Variants in ATP9B observed in about 807,000 individuals in gnomAD.
The protein encoded by ATP9B is probable phospholipid-transporting ATPase IIB.
ATP9B carries 110 observed loss-of-function variants against 146.1 expected under a neutral mutation model. The ratio of observed to expected loss-of-function variants is 0.75; its 90% CI spans 0.65 to 0.88. The LOEUF is 0.88. Among genes scored for constraint, ATP9B ranks in the 40% least tolerant of loss-of-function variants. The probability of loss-of-function intolerance (pLI) is 0.00; values close to 1 mark genes in which losing one functional copy is unlikely to be tolerated. For synonymous variants in ATP9B, 604 were observed against 569.7 expected (o/e 1.06, Z -0.86); for missense variants, 1,499 against 1,496.4 (o/e 1.00, Z -0.03).
At chr18:79,162,125 C>A (rs1040084219) in intron 7 of ATP9B, among the ~76,000 whole-genome samples, 18 of 152,124 alleles carry the variant, frequency 1.2e-4, no homozygotes, top group Admixed American at 3.3e-4. Flanking sequence ...TGATAATACA[C>A]TGTTTATTAT....
chr18:79,130,559 CTT>C (rs1420663325), intron 5 of ATP9B, among the ~76,000 whole-genome samples: 1 of 151,850 alleles, frequency 6.6e-6, no homozygotes, highest in Non-Finnish European at 1.5e-5. Flanking sequence ...TGGCCAAAAA[CTT>C]TCTAAATTTG....
At chr18:79,128,825 C>T (rs1373327429) in intron 5 of ATP9B, among the ~76,000 whole-genome samples, 1 of 152,184 alleles carries the variant, frequency 6.6e-6, no homozygotes, top group Admixed American at 6.5e-5. Flanking sequence ...GAACTAACTA[C>T]TTCAGACCTC....
chr18:79,330,988 A>G (rs1318759133), intron 17 of ATP9B, among the ~76,000 whole-genome samples: 6 of 152,272 alleles, frequency 3.9e-5, no homozygotes, highest in African/African-American at 1.4e-4. Flanking sequence ...AACATAAGAT[A>G]CAAATAATAA....
chr18:79,285,834 G>A lies in ATP9B; in HGVS notation c.1411+8638G>A, dbSNP rs1388766903. Among the ~76,000 whole-genome samples the A allele has an allele frequency of 2.5e-3, 387 of 152,104 alleles. 1 individual carries two copies. The highest frequency in any genetic ancestry group is 8.9e-3 in the African/African-American group (371 of 41,466). ...GGGATCCAGTTTCAGCTTTCTACAT[G>A]TGGCTAGCCAGTTTTCCCAGCACCA... On this transcript the variant is annotated intron_variant, in intron 13 of 29. Transcript: ENST00000426216.
intron 20 of ATP9B, among the ~76,000 whole-genome samples, chr18:79,342,646 G>A: frequency 6.6e-6 from 1 of 151,784 alleles, no homozygotes; most frequent in East Asian, 1.9e-4. Flanking sequence ...GATATTTTTA[G>A]CCACATACAT....
chr18:79,210,398 G>T (rs1383169883), intron 10 of ATP9B, among the ~76,000 whole-genome samples: 1 of 152,152 alleles, frequency 6.6e-6, no homozygotes, highest in African/African-American at 2.4e-5. Context: ...CAGTGGGCCA[G>T]CCGTGTGGTG....
chr18:79,329,923 T>C, intron 16 of ATP9B, 89 bp from the exon 17 acceptor site: 2 of 1,232,142 alleles, frequency 1.6e-6, no homozygotes, highest in Non-Finnish European at 2.4e-6. Flanking sequence ...GGAATTGCTT[T>C]TTCCATTGTA....
chr18:79,209,619 A>T (rs887075745), intron 10 of ATP9B: 2 of 983,594 alleles, frequency 2.0e-6, no homozygotes, highest in African/African-American at 3.5e-5. Context: ...TGCCGGCCCC[A>T]TCCTGTCCAT....
At chr18:79,348,339 C>T (rs902313571) in intron 25 of ATP9B, 143 bp downstream of exon 25, 1 of 779,772 alleles carries the variant, frequency 1.3e-6, no homozygotes, top group African/African-American at 1.8e-5. Flanking sequence ...GTAAAAACAA[C>T]ATTTTACTTG....
At chr18:79,137,279 G>T (rs1190660175) in intron 5 of ATP9B, among the ~76,000 whole-genome samples, 1 of 152,038 alleles carries the variant, frequency 6.6e-6, no homozygotes, top group Non-Finnish European at 1.5e-5. Flanking sequence ...TGATTGAATG[G>T]TTTTTCTCCT....
intron 1 of ATP9B, among the ~76,000 whole-genome samples, chr18:79,082,254 A>G (rs2073346256): frequency 6.6e-6 from 1 of 152,134 alleles, no homozygotes. Flanking sequence ...CGGCTCCATC[A>G]GGTAATTTAT....
chr18:79,272,373 G>T (rs2096264919), intron 12 of ATP9B, among the ~76,000 whole-genome samples: 1 of 152,176 alleles, frequency 6.6e-6, no homozygotes, highest in Non-Finnish European at 1.5e-5. Context: ...CCGTATGCAT[G>T]TATGTATGAT....
intron 4 of ATP9B, among the ~76,000 whole-genome samples, chr18:79,122,614 A>G (rs1024484268): frequency 3.9e-5 from 6 of 152,174 alleles, no homozygotes; most frequent in Admixed American, 3.9e-4. Context: ...TTCCTTTAAG[A>G]TAAGTTTCTA....
At chr18:79,217,351 A>AT (rs1348704592) in intron 11 of ATP9B, among the ~76,000 whole-genome samples, 12 of 151,866 alleles carry the variant, frequency 7.9e-5, no homozygotes, top group African/African-American at 2.9e-4. Context: ...CGCCTGGCTA[A>AT]TTTTTTGTAT....
chr18:79,103,726 AATCAATAATAATTTGTATTGAACTTGGC>A, intron 2 of ATP9B, among the ~76,000 whole-genome samples: 1 of 152,292 alleles, frequency 6.6e-6, no homozygotes, highest in African/African-American at 2.4e-5. Context: ...AGCAAAGGAA[AATCAATAATAATTTGTATTGAACTTGGC>A]ATAAATTTAT....
At chr18:79,183,756 A>T (rs1351936943) in intron 8 of ATP9B, among the ~76,000 whole-genome samples, 1 of 147,376 alleles carries the variant, frequency 6.8e-6, no homozygotes. Context: ...ATTATCTACC[A>T]TTTTTGGGGG....
At chr18:79,230,681 C>T (rs188676881) in intron 11 of ATP9B, among the ~76,000 whole-genome samples, 3 of 151,994 alleles carry the variant, frequency 2.0e-5, no homozygotes, top group Non-Finnish European at 4.4e-5. Context: ...CAATTCTCCT[C>T]AGAATACACC....
intron 10 of ATP9B, among the ~76,000 whole-genome samples, chr18:79,212,206 C>G (rs2095590718): frequency 6.6e-6 from 1 of 152,170 alleles, no homozygotes; most frequent in Admixed American, 6.5e-5. Flanking sequence ...AAGCATGACA[C>G]TCAGAAAAAT....
At chr18:79,091,276 G>A (rs978639228) in intron 1 of ATP9B, among the ~76,000 whole-genome samples, 1 of 152,098 alleles carries the variant, frequency 6.6e-6, no homozygotes, top group Non-Finnish European at 1.5e-5. Flanking sequence ...GTCTTTTGTA[G>A]TTTCATATAA....
Sources: allele counts gnomAD v4.1 joint callset (sites outside exome capture counted in the v4.1 genomes callset), GRCh38; gene constraint gnomAD v4.1.1; transcripts MANE v1.5; gene names NCBI Gene and HGNC (gene_info 2026-07-23, HGNC 2026-07-21).